Variants in DNAJB1 observed in about 807,000 individuals in gnomAD.
DNAJB1 encodes DnaJ heat shock protein family (Hsp40) member B1, also known as dnaJ homolog subfamily B member 1.
Under a neutral mutation model 24.0 loss-of-function variants are expected in DNAJB1, and 14 were observed. That is an observed-to-expected ratio of 0.58 (90% CI 0.39 to 0.91). DNAJB1 has a LOEUF of 0.91. Ranked by LOEUF, DNAJB1 falls within the 40% of genes least tolerant of loss-of-function variation. The probability of loss-of-function intolerance (pLI) is 0.00; values close to 1 mark genes in which losing one functional copy is unlikely to be tolerated. For synonymous variants in DNAJB1, 262 were observed against 174.4 expected (o/e 1.50, Z -3.96); for missense variants, 517 against 458.1 (o/e 1.13, Z -1.17).
intron 1 of DNAJB1, among the ~76,000 whole-genome samples, chr19:14,549,652 A>G (rs2073425790): frequency 6.6e-6 from 1 of 151,824 alleles, no homozygotes. Context: ...GCCTCTTTAT[A>G]AAATACTGTA....
chr19:14,550,513 C>G (rs1287975238), upstream of DNAJB1, among the ~76,000 whole-genome samples: 2 of 152,220 alleles, frequency 1.3e-5, no homozygotes, highest in Middle Eastern at 6.8e-3. Context: ...CCTTCCTGCC[C>G]TGAGTTGGAG....
At chr19:14,538,527 CTT>C (rs1476269303) in intron 1 of DNAJB1, among the ~76,000 whole-genome samples, 1 of 98,116 alleles carries the variant, frequency 1.0e-5, no homozygotes, top group East Asian at 2.1e-4. Context: ...CCTCAAAACT[CTT>C]TTTTTTCTTT....
chr19:14,525,664 CA>C (rs1188679757), intron 2 of DNAJB1, among the ~76,000 whole-genome samples: 2 of 152,080 alleles, frequency 1.3e-5, no homozygotes, highest in Non-Finnish European at 2.9e-5. Context: ...GGACCTGCAA[CA>C]AATGGAGTAG....
chr19:14,542,223 C>G (rs1025404577), intron 1 of DNAJB1, among the ~76,000 whole-genome samples: 6 of 152,050 alleles, frequency 3.9e-5, no homozygotes, highest in African/African-American at 1.2e-4. Context: ...CCTTGACCTC[C>G]CAAAGTGCAG....
chr19:14,528,115 C>T (rs1313603159), intron 1 of DNAJB1, among the ~76,000 whole-genome samples: 2 of 151,948 alleles, frequency 1.3e-5, no homozygotes, highest in Non-Finnish European at 2.9e-5. Flanking sequence ...AATTCCTGAC[C>T]TCATGTGATC....
At chr19:14,523,533 C>T (rs573198614) in intron 2 of DNAJB1, among the ~76,000 whole-genome samples, 5 of 151,596 alleles carry the variant, frequency 3.3e-5, no homozygotes, top group South Asian at 4.2e-4. Flanking sequence ...AGGCTAATCT[C>T]GAACTCCTGA....
chr19:14,538,766 C>T (rs556065302), intron 1 of DNAJB1, among the ~76,000 whole-genome samples: 2 of 151,478 alleles, frequency 1.3e-5, no homozygotes, highest in South Asian at 2.1e-4. Context: ...CTCCTGACCT[C>T]GTGATCCACC....
chr19:14,538,544 T>C lies in DNAJB1; in HGVS notation c.-213-10734A>G, dbSNP rs537615864. On this transcript the variant is annotated intron_variant, in intron 1 of 3. Coordinates refer to the DNAJB1 transcript ENST00000676982. ...TCAAAACTCTTTTTTTTCTTTTTTT[T>C]TTTTTTTGAGATAGAGTCTTCCTCT... is the stretch of plus-strand genomic sequence containing the variant. 5.7e-4 allele frequency among the ~76,000 whole-genome samples: 87 copies of C among 151,622 alleles called. 2 individuals are homozygous for C. In the South Asian group the frequency reaches 0.018, roughly 30 times the overall value.
chr19:14,555,534 C>T (rs763165390), intron 1 of DNAJB1, among the ~76,000 whole-genome samples: 1 of 144,752 alleles, frequency 6.9e-6, no homozygotes, highest in Non-Finnish European at 1.5e-5. Flanking sequence ...CAACCTCCAT[C>T]TCCTGGGTTT....
chr19:14,526,668 G>A (rs902533775), intron 2 of DNAJB1, among the ~76,000 whole-genome samples: 3 of 152,072 alleles, frequency 2.0e-5, no homozygotes, highest in Admixed American at 2.0e-4. Context: ...TTTCCAAAAC[G>A]TTCTGAGTTT....
At chr19:14,559,847 T>C (rs527306068) in intron 1 of DNAJB1, among the ~76,000 whole-genome samples, 1 of 151,936 alleles carries the variant, frequency 6.6e-6, no homozygotes, top group Admixed American at 6.5e-5. Context: ...AGAGGTCTCC[T>C]GCTCCCCCCA....
rs2072232314 is a variant in DNAJB1, at chr19:14,515,061, G to A, written c.*879C>T. 1 of 152,580 alleles carries A rather than the reference G, an allele frequency of 6.6e-6. No individual in the cohort carries two copies. The highest frequency in any genetic ancestry group is 2.4e-5 in the African/African-American group (1 of 41,438). 9.5% of individuals were successfully genotyped at this position (152,580 alleles called of 1,614,324 possible). A position where few individuals can be genotyped will look rare whatever the true frequency, so the allele number is the denominator to read the frequency against. ...ACGTTCCACAGTGCTCCTGTAATCA[G>A]AAGCAAAGACCCTTTTATCAAAAGG... On this transcript the variant is annotated 3_prime_UTR_variant, in exon 3 of 3. Coordinates refer to ENST00000254322, the MANE Select transcript of DNAJB1 (RefSeq NM_006145.3).
chr19:14,526,538 T>A (rs1352649482), intron 2 of DNAJB1, among the ~76,000 whole-genome samples: 2 of 151,972 alleles, frequency 1.3e-5, no homozygotes, highest in Non-Finnish European at 2.9e-5. Context: ...TTCTTATGGG[T>A]GAGGAGGGGG....
upstream of DNAJB1, among the ~76,000 whole-genome samples, chr19:14,522,132 T>G (rs934833933): frequency 6.6e-6 from 1 of 152,148 alleles, no homozygotes; most frequent in Admixed American, 6.5e-5. Context: ...TATAGTTGTT[T>G]GTTGTGTCAG....
intron 1 of DNAJB1, among the ~76,000 whole-genome samples, chr19:14,538,964 C>T (rs937972915): frequency 3.3e-5 from 5 of 150,952 alleles, no homozygotes; most frequent in African/African-American, 4.9e-5. Flanking sequence ...TGTCACACAC[C>T]ATGCAAGTCA....
intron 2 of DNAJB1, among the ~76,000 whole-genome samples, chr19:14,526,837 T>C (rs1320551221): frequency 1.3e-5 from 2 of 152,152 alleles, no homozygotes; most frequent in Non-Finnish European, 2.9e-5. Context: ...TGGATGGGTC[T>C]TAGGGTTTCA....
chr19:14,545,906 C>G (rs1037724354), intron 1 of DNAJB1: 3 of 152,490 alleles, frequency 2.0e-5, no homozygotes, highest in Admixed American at 2.0e-4. Context: ...CAGCCTCCCT[C>G]AGGCAGAGCT....
chr19:14,551,063 A>G (rs1279876985), upstream of DNAJB1, among the ~76,000 whole-genome samples: 1 of 151,696 alleles, frequency 6.6e-6, no homozygotes, highest in Non-Finnish European at 1.5e-5. Context: ...TTATATCTGC[A>G]AAGACACTAT....
At chr19:14,521,245 G>A (rs970842320), upstream of DNAJB1, among the ~76,000 whole-genome samples, 1 of 151,940 alleles carries the variant, frequency 6.6e-6, no homozygotes, top group African/African-American at 2.4e-5. Context: ...GATCACCTGA[G>A]GTCAGGAGTT....
Sources: allele counts gnomAD v4.1 joint callset (sites outside exome capture counted in the v4.1 genomes callset), GRCh38; gene constraint gnomAD v4.1.1; transcripts MANE v1.5; gene names NCBI Gene and HGNC (gene_info 2026-07-23, HGNC 2026-07-21).